DRC11: variants seen among roughly 807,000 people sequenced by gnomAD.
DRC11 encodes the protein IQ and AAA domain-containing protein 1.
At chr2:236,439,883 G>C in the DRC11 span, among the ~76,000 whole-genome samples, 1 of 151,982 alleles carries the variant, frequency 6.6e-6, no homozygotes, top group African/African-American at 2.4e-5. Context: ...TGTTCTCATG[G>C]CTGTAAAACT....
chr2:236,424,057 G>A, the DRC11 span, among the ~76,000 whole-genome samples: 2 of 122,444 alleles, frequency 1.6e-5, no homozygotes, highest in East Asian at 3.0e-4. Context: ...GTTGTGGGGT[G>A]GGGGGAGGGG....
the DRC11 span, among the ~76,000 whole-genome samples, chr2:236,498,304 A>C: frequency 6.6e-6 from 1 of 151,804 alleles, no homozygotes; most frequent in Non-Finnish European, 1.5e-5. Flanking sequence ...AAAATACAAA[A>C]AAAAAAAAAA....
At chr2:236,392,089 A>G in the DRC11 span, 14 of 1,609,222 alleles carry the variant, frequency 8.7e-6, no homozygotes, top group Admixed American at 1.7e-5. This position sits in a 1 kb window ranked among gnomAD's most constrained non-coding sequence, Gnocchi z 5.1. Flanking sequence ...AATACAAAAC[A>G]TACTACTTTT....
At chr2:236,327,901 C>T in the DRC11 span, among the ~76,000 whole-genome samples, 4 of 152,256 alleles carry the variant, frequency 2.6e-5, no homozygotes, top group Middle Eastern at 3.4e-3. Context: ...AGGCTGGTCT[C>T]GAACTTCCGA....
chr2:236,498,300 C>CA, the DRC11 span, among the ~76,000 whole-genome samples: 2,579 of 129,378 alleles, frequency 0.02, 25 homozygotes, highest in South Asian at 0.03. Flanking sequence ...TACTAAAATA[C>CA]AAAAAAAAAA....
chr2:236,426,693 C>T, the DRC11 span, among the ~76,000 whole-genome samples: 2 of 152,198 alleles, frequency 1.3e-5, no homozygotes, highest in Non-Finnish European at 2.9e-5. The surrounding 1 kb of genome is among the most constrained non-coding windows in gnomAD (Gnocchi z 4.1). Context: ...AGGCGTGAGC[C>T]ACCGTGCCCG....
the DRC11 span, among the ~76,000 whole-genome samples, chr2:236,351,266 G>A: frequency 7.9e-5 from 12 of 151,938 alleles, no homozygotes; most frequent in Non-Finnish European, 7.4e-5. The surrounding 1 kb of genome is among the most constrained non-coding windows in gnomAD (Gnocchi z 7.3). Context: ...GTGCTCCAAG[G>A]AAATCAGGGT....
At chr2:236,436,406 G>A in the DRC11 span, among the ~76,000 whole-genome samples, 3 of 151,954 alleles carry the variant, frequency 2.0e-5, no homozygotes, top group African/African-American at 7.3e-5. Flanking sequence ...TTTGCCTATG[G>A]TGACATGTTT....
chr2:236,472,445 T>C, the DRC11 span, among the ~76,000 whole-genome samples: 1 of 152,200 alleles, frequency 6.6e-6, no homozygotes, highest in Non-Finnish European at 1.5e-5. The surrounding 1 kb of genome is among the most constrained non-coding windows in gnomAD (Gnocchi z 4.6). Flanking sequence ...CAGCAGTATA[T>C]GATGACAAAG....
At chr2:236,423,080 C>T in the DRC11 span, among the ~76,000 whole-genome samples, 31 of 151,068 alleles carry the variant, frequency 2.1e-4, 1 homozygote, top group South Asian at 4.2e-4. Flanking sequence ...AAACGTTAGA[C>T]CTAAAACCAT....
chr2:236,320,085 T>G, the DRC11 span, among the ~76,000 whole-genome samples: 3 of 152,254 alleles, frequency 2.0e-5, no homozygotes, highest in Non-Finnish European at 2.9e-5. Context: ...ACTGCTATGC[T>G]GCAACTGTGA....
At chr2:236,324,658 C>T in the DRC11 span, 6 of 1,294,718 alleles carry the variant, frequency 4.6e-6, no homozygotes, top group South Asian at 7.6e-5. The surrounding 1 kb of genome is among the most constrained non-coding windows in gnomAD (Gnocchi z 5.7). Context: ...AAAGGCATTA[C>T]TTTTTCTTTT....
the DRC11 span, among the ~76,000 whole-genome samples, chr2:236,365,153 G>C: frequency 3.3e-5 from 5 of 152,074 alleles, no homozygotes; most frequent in East Asian, 9.7e-4. The surrounding 1 kb of genome is among the most constrained non-coding windows in gnomAD (Gnocchi z 7.4). Flanking sequence ...TGGGAGTGGG[G>C]ACTGTGGCGG....
chr2:236,345,067 C>CCCTGGTTGTAACT, the DRC11 span, among the ~76,000 whole-genome samples: 1 of 65,422 alleles, frequency 1.5e-5, no homozygotes, highest in African/African-American at 5.5e-5. Context: ...TGGCTGTGAA[C>CCCTGGTTGTAACT]GTGCTTCCCT....
the DRC11 span, among the ~76,000 whole-genome samples, chr2:236,351,752 G>A: frequency 2.2e-4 from 34 of 151,968 alleles, no homozygotes; most frequent in Non-Finnish European, 4.0e-4. This position sits in a 1 kb window ranked among gnomAD's most constrained non-coding sequence, Gnocchi z 7.3. Context: ...GAAGATGAGA[G>A]CCCGCAGCGG....
chr2:236,441,955 G>A, the DRC11 span, among the ~76,000 whole-genome samples: 9 of 152,154 alleles, frequency 5.9e-5, no homozygotes, highest in South Asian at 2.1e-4. Context: ...ATTAAATCTG[G>A]CTGGGCGCAG....
chr2:236,466,292 C>T, the DRC11 span, among the ~76,000 whole-genome samples: 1 of 152,106 alleles, frequency 6.6e-6, no homozygotes, highest in Non-Finnish European at 1.5e-5. Context: ...AGTATAGGAC[C>T]TACGCATGTG....
chr2:236,331,576 T>C, the DRC11 span: 1 of 1,613,774 alleles, frequency 6.2e-7, no homozygotes. The surrounding 1 kb of genome is among the most constrained non-coding windows in gnomAD (Gnocchi z 4.8). Context: ...TCCATTGCGT[T>C]CAATGATTTG....
At chr2:236,383,136 T>C in the DRC11 span, among the ~76,000 whole-genome samples, 1 of 152,180 alleles carries the variant, frequency 6.6e-6, no homozygotes, top group African/African-American at 2.4e-5. Flanking sequence ...TTATTTGTTA[T>C]TGGTGTGTTG....
Sources: gnomAD v4.1 joint callset for allele counts (sites outside exome capture counted in the v4.1 genomes callset) on GRCh38, gnomAD v4.1.1 for gene constraint, Gnocchi (gnomAD v3.1) non-coding constraint, MANE v1.5 for transcripts, NCBI Gene and HGNC (gene_info 2026-07-23, HGNC 2026-07-21) for gene names.